BNC2: variants seen among roughly 807,000 people sequenced by gnomAD.
BNC2 encodes the protein zinc finger protein basonuclin-2.
BNC2 carries 20 observed loss-of-function variants against 76.3 expected under a neutral mutation model. The observed-to-expected ratio is 0.26, with a 90% confidence interval of 0.18 to 0.38. The LOEUF is 0.38. Among genes scored for constraint, BNC2 ranks in the 10% least tolerant of loss-of-function variants. The pLI, the probability that BNC2 is intolerant of heterozygous loss-of-function variation, is 1.00. For synonymous variants in BNC2, 582 were observed against 514.8 expected, an observed-to-expected ratio of 1.13 and a Z score of -1.77; for missense variants, 1,382 against 1,399.8, an observed-to-expected ratio of 0.99 and a Z score of 0.20.
intron 5 of BNC2, among the ~76,000 whole-genome samples, chr9:16,548,219 T>C (rs967135791): frequency 1.3e-5 from 2 of 152,132 alleles, no homozygotes; most frequent in African/African-American, 4.8e-5. Context: ...AAAGAGACTA[T>C]AAAAACTTGA....
intron 1 of BNC2, among the ~76,000 whole-genome samples, chr9:16,833,324 T>G (rs189219865): frequency 7.7e-4 from 117 of 152,274 alleles, no homozygotes; most frequent in African/African-American, 2.5e-3. Flanking sequence ...TCTGTCCCTG[T>G]AAGCATTTTA....
At chr9:16,745,279 T>C (rs529200609) in intron 1 of BNC2, among the ~76,000 whole-genome samples, 3 of 152,340 alleles carry the variant, frequency 2.0e-5, no homozygotes, top group African/African-American at 7.2e-5. Context: ...TGGCTTCAGA[T>C]GTGTTTTGCT....
intron 3 of BNC2, among the ~76,000 whole-genome samples, chr9:16,683,028 G>A (rs1822870743): frequency 6.6e-6 from 1 of 152,158 alleles, no homozygotes; most frequent in African/African-American, 2.4e-5. Flanking sequence ...ACTGGGGAAA[G>A]TAAATAAAGT....
chr9:16,803,183 C>T (rs879925939), intron 1 of BNC2, among the ~76,000 whole-genome samples: 2 of 152,182 alleles, frequency 1.3e-5, no homozygotes, highest in East Asian at 1.9e-4. Context: ...AGCAGGAAGG[C>T]ACCACTCCTT....
intron 5 of BNC2, among the ~76,000 whole-genome samples, chr9:16,479,952 C>T (rs1006393550): frequency 6.6e-6 from 1 of 152,032 alleles, no homozygotes; most frequent in African/African-American, 2.4e-5. Context: ...ACTTGTGGTC[C>T]CCCATGAATC....
chr9:16,810,368 A>G (rs886424593), intron 1 of BNC2, among the ~76,000 whole-genome samples: 6 of 152,202 alleles, frequency 3.9e-5, no homozygotes, highest in Non-Finnish European at 7.3e-5. Flanking sequence ...TGCAAAACCA[A>G]GGAGTCGTGA....
chr9:16,579,846 C>T, intron 4 of BNC2: 1 of 344,856 alleles, frequency 2.9e-6, no homozygotes, highest in East Asian at 4.4e-5. Context: ...TTCTAAAAAT[C>T]TGTTTTAGAG....
intron 5 of BNC2, among the ~76,000 whole-genome samples, chr9:16,514,295 A>G (rs931091659): frequency 6.6e-6 from 1 of 152,216 alleles, no homozygotes; most frequent in African/African-American, 2.4e-5. Context: ...TGCAAAGAAT[A>G]AATGTACTCT....
At chr9:16,450,731 G>A (rs1821323367) in intron 5 of BNC2, among the ~76,000 whole-genome samples, 1 of 152,178 alleles carries the variant, frequency 6.6e-6, no homozygotes, top group Non-Finnish European at 1.5e-5. Flanking sequence ...AGAAACAGCT[G>A]CAGCAAAAGG....
chr9:16,669,313 A>G (rs888604564), intron 3 of BNC2, among the ~76,000 whole-genome samples: 1 of 152,168 alleles, frequency 6.6e-6, no homozygotes, highest in African/African-American at 2.4e-5. Context: ...TATCCTCTAG[A>G]TGGAATATTC....
At chr9:16,756,970 A>T (rs1367551617) in intron 1 of BNC2, among the ~76,000 whole-genome samples, 1 of 144,144 alleles carries the variant, frequency 6.9e-6, no homozygotes, top group African/African-American at 2.5e-5. Flanking sequence ...CAGCCTGGGC[A>T]ACACAGCGAG....
intron 5 of BNC2, among the ~76,000 whole-genome samples, chr9:16,479,194 G>A (rs1173642642): frequency 6.6e-6 from 1 of 150,408 alleles, no homozygotes; most frequent in East Asian, 2.0e-4. Context: ...GGAGGCTGCA[G>A]TGAGCCCACT....
Position 16,737,259 on chromosome 9 carries a change from TTTTC to T in BNC2, c.129+1097_129+1100del, listed in dbSNP as rs1427199865. ...TGGCCTTTTTTTTTTTTTTTTTTTTTTTTCTTTTTTTGAGACAGTCTCGCTCTGT... is the reference window on the plus strand; with the variant it reads ...TGGCCTTTTTTTTTTTTTTTTTTTTTTTTTTTTGAGACAGTCTCGCTCTGT... On this transcript the variant is annotated intron_variant, in intron 2 of 6. Coordinates refer to ENST00000380672, the MANE Select transcript of BNC2 (RefSeq NM_017637.6). 2.1e-3 allele frequency among the ~76,000 whole-genome samples: 299 copies of T among 140,352 alleles called. 2 individuals carry two copies. Among genetic ancestry groups the T allele is most frequent in the African/African-American group, 7.8e-3 (285 of 36,722 alleles). 92.1% of individuals were successfully genotyped at this position (140,352 alleles called of 152,430 possible).
intron 5 of BNC2, among the ~76,000 whole-genome samples, chr9:16,503,164 G>A (rs1321105502): frequency 2.0e-5 from 3 of 152,128 alleles, no homozygotes; most frequent in Non-Finnish European, 2.9e-5. Flanking sequence ...TTTTTAAAGT[G>A]TAATATATAT....
chr9:16,450,329 A>G (rs1293827411), intron 5 of BNC2, among the ~76,000 whole-genome samples: 1 of 152,240 alleles, frequency 6.6e-6, no homozygotes, highest in East Asian at 1.9e-4. Context: ...CAGATAATTT[A>G]GAAGAATTTG....
At chr9:16,444,461 T>A (rs1043179448) in intron 5 of BNC2, among the ~76,000 whole-genome samples, 11 of 152,100 alleles carry the variant, frequency 7.2e-5, no homozygotes, top group Non-Finnish European at 1.0e-4. Context: ...GCCGGTGTGC[T>A]GACCTCTTGG....
chr9:16,821,991 G>C (rs1173696743), intron 1 of BNC2, among the ~76,000 whole-genome samples: 3 of 151,458 alleles, frequency 2.0e-5, no homozygotes, highest in African/African-American at 7.3e-5. Flanking sequence ...TACTCGGGAG[G>C]CTGAAGCAGG....
At chr9:16,460,121 T>G (rs1821543003) in intron 5 of BNC2, among the ~76,000 whole-genome samples, 1 of 152,088 alleles carries the variant, frequency 6.6e-6, no homozygotes, top group Non-Finnish European at 1.5e-5. Flanking sequence ...CAACTTTAAG[T>G]TATAATATAG....
At chr9:16,813,468 T>C (rs1249439314) in intron 1 of BNC2, among the ~76,000 whole-genome samples, 1 of 151,922 alleles carries the variant, frequency 6.6e-6, no homozygotes, top group Admixed American at 6.5e-5. Context: ...GGTTTCACCG[T>C]GTTAGCCAGG....
Sources: gnomAD v4.1 joint callset for allele counts (sites outside exome capture counted in the v4.1 genomes callset) on GRCh38, gnomAD v4.1.1 for gene constraint, MANE v1.5 for transcripts, NCBI Gene and HGNC (gene_info 2026-07-23, HGNC 2026-07-21) for gene names.